SLC14A2: variants seen among roughly 807,000 people sequenced by gnomAD.
SLC14A2 encodes urea transporter 2.
SLC14A2 carries 91 observed loss-of-function variants against 104.6 expected under a neutral mutation model. That is an observed-to-expected ratio of 0.87 (90% confidence interval 0.73 to 1.04). SLC14A2 has a LOEUF of 1.04. Ranked by LOEUF, SLC14A2 falls within the 50% of genes least tolerant of loss-of-function variation. The pLI is 0.00. For missense variants in SLC14A2, 1,189 were observed against 1,156.0 expected (o/e 1.03, Z -0.41); for synonymous variants, 476 against 466.4 (o/e 1.02, Z -0.27).
At chr18:45,220,716 G>A (rs991707965) in intron 1 of SLC14A2, among the ~76,000 whole-genome samples, 1 of 152,184 alleles carries the variant, frequency 6.6e-6, no homozygotes, top group Non-Finnish European at 1.5e-5. Context: ...AACCAAAAAG[G>A]GAAATGTTAG....
intron 1 of SLC14A2, among the ~76,000 whole-genome samples, chr18:45,398,041 C>T (rs2086055548): frequency 6.6e-6 from 1 of 151,980 alleles, no homozygotes. Context: ...CAACTATAAG[C>T]CAGGAATTTA....
chr18:45,414,753 A>T lies in SLC14A2; in HGVS notation c.-124-68480A>T, dbSNP rs1161708625. ...TGCAAGGCACCGAGCGTAAAAAAAA[A>T]AAAAATATATATATATATATATATA... On this transcript the variant is annotated intron_variant, in intron 1 of 20. Transcript: ENST00000586448. 2.0e-3 allele frequency among the ~76,000 whole-genome samples: 125 copies of T among 63,960 alleles called. 3 individuals are homozygous for T. Among genetic ancestry groups the T allele is most frequent in the African/African-American group, 9.1e-3 (115 of 12,704 alleles). The allele number at this position is 63,960 out of a possible 152,430, so 42.0% of individuals were successfully genotyped here.
At chr18:45,377,889 A>G (rs1335000051) in intron 1 of SLC14A2, among the ~76,000 whole-genome samples, 1 of 152,110 alleles carries the variant, frequency 6.6e-6, no homozygotes, top group Admixed American at 6.6e-5. Context: ...TACTTGCTAC[A>G]GCTACCTACC....
Position 45,346,478 on chromosome 18 carries a change from T to C in SLC14A2, c.-125+133287T>C, listed in dbSNP as rs138272023. 4.6e-3 allele frequency among the ~76,000 whole-genome samples: 700 copies of C among 152,322 alleles called. 7 individuals carry two copies. Among genetic ancestry groups the C allele is most frequent in the African/African-American group, 0.016 (667 of 41,576 alleles). On this transcript the variant is annotated intron_variant, in intron 1 of 20. Transcript: ENST00000586448. ...GGTCCCTGGGTTGTCTTCTTCTTACTCACATTTACTAGTTTAGAAAACAAA... is the reference window on the plus strand; with the variant it reads ...GGTCCCTGGGTTGTCTTCTTCTTACCCACATTTACTAGTTTAGAAAACAAA...
intron 2 of SLC14A2, among the ~76,000 whole-genome samples, chr18:45,591,211 T>C (rs2044642404): frequency 6.6e-6 from 1 of 152,228 alleles, no homozygotes; most frequent in African/African-American, 2.4e-5. Flanking sequence ...AATAGCTTGT[T>C]ACTAATAATC....
intron 1 of SLC14A2, among the ~76,000 whole-genome samples, chr18:45,312,943 T>G (rs1189616569): frequency 6.6e-6 from 1 of 152,126 alleles, no homozygotes; most frequent in Non-Finnish European, 1.5e-5. Flanking sequence ...GGGAAGCCGG[T>G]TGGCCTCGTC....
At chr18:45,571,809 G>A (rs1348651323) in intron 2 of SLC14A2, among the ~76,000 whole-genome samples, 5 of 152,194 alleles carry the variant, frequency 3.3e-5, no homozygotes, top group Non-Finnish European at 7.3e-5. Context: ...AGAGAAAACT[G>A]ATGTCTGAAA....
chr18:45,269,558 GC>G (rs113514155), intron 1 of SLC14A2, among the ~76,000 whole-genome samples: 2,902 of 151,830 alleles, frequency 0.019, 77 homozygotes, highest in East Asian at 0.092. Flanking sequence ...CAGTCAAACT[GC>G]CTTTGACTGA....
chr18:45,494,709 T>G (rs934965810), intron 2 of SLC14A2, among the ~76,000 whole-genome samples: 18 of 151,956 alleles, frequency 1.2e-4, no homozygotes, highest in Non-Finnish European at 2.1e-4. Context: ...GGCCTGGTAG[T>G]CATCTTTGAC....
chr18:45,318,799 A>C (rs2085156496), intron 1 of SLC14A2, among the ~76,000 whole-genome samples: 1 of 151,944 alleles, frequency 6.6e-6, no homozygotes. Context: ...AAAAAAAAAA[A>C]AAATTCGCAG....
chr18:45,236,118 C>T (rs1324328825), intron 1 of SLC14A2, among the ~76,000 whole-genome samples: 16 of 31,218 alleles, frequency 5.1e-4, no homozygotes, highest in Non-Finnish European at 7.4e-4. Context: ...TGTATATATA[C>T]ATATATGTGT....
rs59843067 is a variant in SLC14A2, at chr18:45,648,195, C to CTTTTTTTTTTT, written c.1351+4053_1351+4063dup. Among the ~76,000 whole-genome samples the CTTTTTTTTTTT allele has an allele frequency of 5.4e-4, 55 of 101,220 alleles. 2 individuals carry two copies. The highest frequency in any genetic ancestry group is 1.9e-3 in the African/African-American group (48 of 25,926). 66.4% of individuals were successfully genotyped at this position (101,220 alleles called of 152,430 possible). A position where few individuals can be genotyped will look rare whatever the true frequency, so the allele number is the denominator to read the frequency against. On this transcript the variant is annotated intron_variant, in intron 10 of 19. Transcript: ENST00000255226. ...GTTACCCTCTTTATTCTAGTTAATGCTTTTTTTTTTTTTTTTTTTTTTTTT... is the reference window on the plus strand; with the variant it reads ...GTTACCCTCTTTATTCTAGTTAATGCTTTTTTTTTTTTTTTTTTTTTTTTTTTTTTTTTTTT...
chr18:45,404,892 A>G (rs2086136612), intron 1 of SLC14A2, among the ~76,000 whole-genome samples: 1 of 152,160 alleles, frequency 6.6e-6, no homozygotes, highest in Non-Finnish European at 1.5e-5. Context: ...ATAAAACAGA[A>G]CAAAGCAGGG....
At chr18:45,682,235 A>G in intron 19 of SLC14A2, 84 bp from the exon 20 acceptor site, 1 of 1,196,418 alleles carries the variant, frequency 8.4e-7, no homozygotes, top group Non-Finnish European at 1.2e-6. Flanking sequence ...TCATGTCCCC[A>G]GGGCTGTAGG....
At chr18:45,191,068 T>C in the SLC14A2 span, among the ~76,000 whole-genome samples, 1 of 152,074 alleles carries the variant, frequency 6.6e-6, no homozygotes, top group African/African-American at 2.4e-5. Context: ...GCTCCCATGG[T>C]GTCCCAGCTG....
At chr18:45,238,502 C>A (rs1319506672) in intron 1 of SLC14A2, among the ~76,000 whole-genome samples, 1 of 151,972 alleles carries the variant, frequency 6.6e-6, no homozygotes, top group Non-Finnish European at 1.5e-5. Context: ...AGAAATATAG[C>A]CAGGAACAAA....
intron 1 of SLC14A2, among the ~76,000 whole-genome samples, chr18:45,341,661 C>T (rs906998288): frequency 7.4e-5 from 9 of 120,872 alleles, no homozygotes; most frequent in African/African-American, 2.3e-4. Flanking sequence ...GGTGTGGTCT[C>T]GGCTCCCTGC....
chr18:45,679,477 A>G (rs904784588), intron 19 of SLC14A2, among the ~76,000 whole-genome samples: 6 of 152,234 alleles, frequency 3.9e-5, no homozygotes, highest in African/African-American at 1.2e-4. Context: ...TGAGGCTTAA[A>G]GTCACGGGCC....
chr18:45,518,177 G>A (rs1312030585), intron 2 of SLC14A2, among the ~76,000 whole-genome samples: 1 of 152,102 alleles, frequency 6.6e-6, no homozygotes, highest in Non-Finnish European at 1.5e-5. Context: ...CACAGTTCCG[G>A]GTTGCTCCAA....
Sources: allele counts gnomAD v4.1 joint callset (sites outside exome capture counted in the v4.1 genomes callset), GRCh38; gene constraint gnomAD v4.1.1; transcripts MANE v1.5; gene names NCBI Gene and HGNC (gene_info 2026-07-23, HGNC 2026-07-21).